APOBEC3D: variants seen among roughly 807,000 people sequenced by gnomAD.
The protein encoded by APOBEC3D is DNA dC->dU-editing enzyme APOBEC-3D.
A neutral mutation model predicts 45.6 loss-of-function variants in APOBEC3D; 37 were observed. That is an observed-to-expected ratio of 0.81 (90% CI 0.62 to 1.07). The LOEUF is 1.07. APOBEC3D is among the 50% of genes least tolerant of loss of function. The pLI, the probability that APOBEC3D is intolerant of heterozygous loss-of-function variation, is 0.00. For missense variants in APOBEC3D, 496 were observed against 495.3 expected (o/e 1.00, Z -0.01); for synonymous variants, 175 against 180.7 (o/e 0.97, Z 0.25).
intron 6 of APOBEC3D, 32 bp downstream of exon 6, chr22:39,032,005 C>A (rs374083298): frequency 5.6e-6 from 9 of 1,611,524 alleles, no homozygotes; most frequent in African/African-American, 1.3e-5. Context: ...AGAGTGGGTG[C>A]GGGAGGGACA....
In APOBEC3D at chr22:39,025,306, G is replaced by T. The variant is rs776290551; in HGVS notation, c.447G>T (p.Arg149Ser). The T allele has an allele frequency of 6.2e-7, 1 of 1,614,000 alleles. No homozygotes were observed. The highest frequency in any genetic ancestry group is 8.5e-7 in the Non-Finnish European group (1 of 1,180,036). The stretch of plus-strand genomic sequence containing the variant: ...GAGATTGGCGGTGGGTGCTCCTCAG[G>T]CTGCATAAGGCAGGGGCCCGTGTGA... ...RDRDWRWVLL[R>S]LHKAGARVKI... Residue 149 changes from arginine to serine, a missense_variant, in exon 3 of 7, where the codon AGG becomes AGT. Physicochemically the swap from Arg to Ser is moderately radical, Grantham distance 110. Coordinates refer to ENST00000216099, the MANE Select transcript of APOBEC3D (RefSeq NM_152426.4).
Position 39,029,499 on chromosome 22 carries a change from A to C in APOBEC3D, c.742A>C (p.Arg248=). The change falls in exon 5 of 7, where the codon AGG becomes CGG. Residue 248 remains arginine, a synonymous_variant. Coordinates refer to ENST00000216099, the MANE Select transcript of APOBEC3D (RefSeq NM_152426.4). The part of the protein sequence containing the change: ...TKHHSAVFRK[R]GVFRNQVDPE... Reference sequence around the variant, plus strand: ...GCACCACTCAGCTGTCTTCCGGAAGAGGGGCGTCTTCCGAAACCAGGTAGC... The same window carrying C: ...GCACCACTCAGCTGTCTTCCGGAAGCGGGGCGTCTTCCGAAACCAGGTAGC... 1 of 1,614,190 alleles carries C rather than the reference A, an allele frequency of 6.2e-7. No homozygotes were observed. Among genetic ancestry groups the C allele is most frequent in the South Asian group, 1.1e-5 (1 of 91,086 alleles).
At chr22:39,032,171 A>T in intron 6 of APOBEC3D, 27 bp from the exon 7 acceptor site, 1 of 1,611,002 alleles carries the variant, frequency 6.2e-7, no homozygotes, top group South Asian at 1.1e-5. Context: ...CTGGGCCCTC[A>T]CTGCTTTCTC....
chr22:39,025,515 G>A (rs1049952294), intron 3 of APOBEC3D, 42 bp from the exon 4 acceptor site: 1 of 1,614,106 alleles, frequency 6.2e-7, no homozygotes, highest in Non-Finnish European at 8.5e-7. Flanking sequence ...GCAGGCCCAG[G>A]GTCAGGGGAG....
intron 2 of APOBEC3D, among the ~76,000 whole-genome samples, chr22:39,023,676 T>C (rs1291067992): frequency 3.3e-5 from 5 of 152,134 alleles, no homozygotes; most frequent in African/African-American, 1.2e-4. Context: ...CTTGACCTCC[T>C]GACCTCAGGT....
At chr22:39,030,660 G>A (rs1010526710) in intron 5 of APOBEC3D, among the ~76,000 whole-genome samples, 8 of 151,854 alleles carry the variant, frequency 5.3e-5, no homozygotes, top group African/African-American at 1.9e-4. Flanking sequence ...TAGCCCCTTT[G>A]GCCAACCTTC....
intron 4 of APOBEC3D, among the ~76,000 whole-genome samples, chr22:39,028,384 A>C (rs573228221): frequency 6.6e-6 from 1 of 152,368 alleles, no homozygotes; most frequent in African/African-American, 2.4e-5. Context: ...CCACCGCCCC[A>C]GCTCTGTGGT....
intron 4 of APOBEC3D, 72 bp from the exon 5 acceptor site, chr22:39,029,290 TC>T: frequency 6.4e-7 from 1 of 1,555,662 alleles, no homozygotes; most frequent in Non-Finnish European, 8.8e-7. Context: ...TCCAGGGACG[TC>T]CAGGGAGTTG....
Position 39,029,526 on chromosome 22 carries a change from C to G in APOBEC3D, c.762+7C>G. On this transcript the variant is annotated splice_region_variant and intron_variant, in intron 5 of 6. Transcript: ENST00000216099. ...GGGCGTCTTCCGAAACCAGGTAGCA[C>G]CAAAGTCCTATTTACACCCTAAATA... 3 of 1,614,156 alleles carry G rather than the reference C, an allele frequency of 1.9e-6. No homozygotes were observed. Among genetic ancestry groups the G allele is most frequent in the Non-Finnish European group, 1.7e-6 (2 of 1,180,018 alleles).
In APOBEC3D at chr22:39,029,474, G is replaced by A; in HGVS notation, c.717G>A (p.Lys239=). 6.2e-7 allele frequency: 1 copy of A among 1,614,130 alleles called. No individual in the cohort carries two copies. Among genetic ancestry groups the A allele is most frequent in the South Asian group, 1.1e-5 (1 of 91,090 alleles). ...SWLCFTMEVT[K]HHSAVFRKRG... ...TGTGCTTCACCATGGAAGTTACAAA[G>A]CACCACTCAGCTGTCTTCCGGAAGA... The change falls in exon 5 of 7, where the codon AAG becomes AAA. Residue 239 remains lysine (K), a synonymous_variant. Transcript: ENST00000216099.
intron 1 of APOBEC3D, 101 bp downstream of exon 1, chr22:39,021,637 T>C: frequency 7.2e-6 from 11 of 1,522,572 alleles, no homozygotes; most frequent in Middle Eastern, 2.3e-4. Context: ...GCCCCAGCCC[T>C]GGACTTCCTT....
intron 4 of APOBEC3D, among the ~76,000 whole-genome samples, chr22:39,028,819 C>T (rs1004143203): frequency 3.9e-5 from 6 of 152,058 alleles, no homozygotes; most frequent in Non-Finnish European, 7.4e-5. Context: ...CCTGTAGTCC[C>T]AGCTACTTGG....
At chr22:39,025,952 C>A (rs1378190727) in intron 4 of APOBEC3D, among the ~76,000 whole-genome samples, 1 of 152,180 alleles carries the variant, frequency 6.6e-6, no homozygotes, top group African/African-American at 2.4e-5. Context: ...CAACCTGGCT[C>A]CTTCTATCTC....
intron 4 of APOBEC3D, 109 bp downstream of exon 4, chr22:39,025,780 GCCCTC>G: frequency 6.3e-7 from 1 of 1,577,860 alleles, no homozygotes; most frequent in Non-Finnish European, 8.6e-7. Context: ...CCCCCTGCCT[GCCCTC>G]ATGGTTACAC....
chr22:39,026,879 G>T (rs959048551), intron 4 of APOBEC3D, among the ~76,000 whole-genome samples: 1 of 151,972 alleles, frequency 6.6e-6, no homozygotes, highest in African/African-American at 2.4e-5. Context: ...AGCCTCCCAA[G>T]TACCTGGGAT....
chr22:39,025,634 T>A lies in APOBEC3D; in HGVS notation c.568T>A (p.Tyr190Asn). The A allele has an allele frequency of 6.2e-7, 1 of 1,614,080 alleles. No individual in the cohort carries two copies. Among genetic ancestry groups the A allele is most frequent in the Non-Finnish European group, 8.5e-7 (1 of 1,179,990 alleles). Residue 190 changes from tyrosine (Y) to asparagine (N), a missense_variant, in exon 4 of 7, where the codon TAT becomes AAT. Physicochemically the swap from Tyr to Asn is moderately radical, Grantham distance 143 (BLOSUM62 -2). Coordinates refer to ENST00000216099, the MANE Select transcript of APOBEC3D (RefSeq NM_152426.4). ...GCCTTGGTACAAATTCGATGACAATTATGCATCCCTGCACCGCACGCTAAA... is the reference window on the plus strand; with the variant it reads ...GCCTTGGTACAAATTCGATGACAATAATGCATCCCTGCACCGCACGCTAAA... The part of the protein sequence containing the change: ...FMPWYKFDDN[Y>N]ASLHRTLKEI...
intron 4 of APOBEC3D, among the ~76,000 whole-genome samples, chr22:39,029,033 A>G (rs546854699): frequency 6.6e-6 from 1 of 152,326 alleles, no homozygotes; most frequent in South Asian, 2.1e-4. Flanking sequence ...TGTTCAAGCA[A>G]TTATTTCAGG....
chr22:39,032,050 G>A, intron 6 of APOBEC3D, 77 bp downstream of exon 6: 1 of 1,597,094 alleles, frequency 6.3e-7, no homozygotes, highest in Non-Finnish European at 8.5e-7. Flanking sequence ...ATGCCGTGGG[G>A]CGGGGCAGTG....
At chr22:39,027,532 G>A (rs933584687) in intron 4 of APOBEC3D, among the ~76,000 whole-genome samples, 16 of 152,136 alleles carry the variant, frequency 1.1e-4, no homozygotes, top group African/African-American at 2.7e-4. Context: ...CACTCACAGC[G>A]CAGGTGTCTC....
Sources: allele counts gnomAD v4.1 joint callset (sites outside exome capture counted in the v4.1 genomes callset), GRCh38; gene constraint gnomAD v4.1.1; transcripts MANE v1.5; gene names NCBI Gene and HGNC (gene_info 2026-07-23, HGNC 2026-07-21).